The following AGMO variants were observed in gnomAD, a reference collection of about 807,000 sequenced individuals.
AGMO encodes the protein glyceryl-ether monooxygenase.
Under a neutral mutation model 60.2 loss-of-function variants are expected in AGMO, and 75 were observed. The ratio of observed to expected loss-of-function variants is 1.25; its 90% confidence interval spans 1.03 to 1.51. AGMO has a LOEUF of 1.51. AGMO is among the 40% of genes most tolerant of loss of function. The pLI, the probability that AGMO is intolerant of heterozygous loss-of-function variation, is 0.00. For missense variants in AGMO, 763 were observed against 525.5 expected (o/e 1.45, Z -4.42); for synonymous variants, 261 against 177.1 (o/e 1.47, Z -3.76).
chr7:15,273,269 T>C (rs956934292), intron 12 of AGMO, among the ~76,000 whole-genome samples: 1 of 152,130 alleles, frequency 6.6e-6, no homozygotes, highest in Non-Finnish European at 1.5e-5. Flanking sequence ...AGGTCTAACA[T>C]TTAAGTCTTC....
rs1443295190 is a variant in AGMO at position 15,252,210 on chromosome 7, A to G, written c.1264-50851T>C. ...TAAGAAGTTGGTAAGTATTATGGAG[A>G]AAAGGAACTAGAGAAGGATCAGAAG... is the stretch of plus-strand genomic sequence containing the variant. On this transcript the variant is annotated intron_variant, in intron 12 of 12. Transcript: ENST00000342526. 2.0e-5 allele frequency among the ~76,000 whole-genome samples: 3 copies of G among 152,312 alleles called. No individual in the cohort carries two copies. In the East Asian group the frequency reaches 5.8e-4, roughly 29 times the overall value.
At chr7:15,446,771 C>T (rs1375284570) in intron 3 of AGMO, among the ~76,000 whole-genome samples, 1 of 152,072 alleles carries the variant, frequency 6.6e-6, no homozygotes, top group Middle Eastern at 3.2e-3. Flanking sequence ...GATAATGCCT[C>T]GTTTGTTCTT....
At chr7:15,419,194 T>C (rs1005289560) in intron 4 of AGMO, among the ~76,000 whole-genome samples, 5 of 151,948 alleles carry the variant, frequency 3.3e-5, no homozygotes, top group African/African-American at 1.2e-4. Context: ...TCGAAGTTAT[T>C]AGGAAGGAGG....
chr7:15,261,979 T>G (rs937145525), intron 12 of AGMO, among the ~76,000 whole-genome samples: 2 of 151,878 alleles, frequency 1.3e-5, no homozygotes, highest in Non-Finnish European at 2.9e-5. Flanking sequence ...AAAACCAGCA[T>G]AGAAGGGACA....
At chr7:15,308,538 T>C (rs1780679453) in intron 12 of AGMO, among the ~76,000 whole-genome samples, 1 of 152,152 alleles carries the variant, frequency 6.6e-6, no homozygotes, top group South Asian at 2.1e-4. Context: ...TTGCTTGTCA[T>C]ATTTGCTTGT....
chr7:15,178,886 C>T, the AGMO span, among the ~76,000 whole-genome samples: 1 of 151,982 alleles, frequency 6.6e-6, no homozygotes, highest in Admixed American at 6.6e-5. Flanking sequence ...TGGCAAAGGT[C>T]ATCATACGGC....
intron 3 of AGMO, among the ~76,000 whole-genome samples, chr7:15,450,581 G>A (rs574213360): frequency 2.6e-5 from 4 of 152,004 alleles, no homozygotes; most frequent in African/African-American, 9.7e-5. Context: ...TATCTTTGTA[G>A]TTCAGAGAAA....
chr7:15,472,111 G>C (rs1257678824), intron 3 of AGMO, among the ~76,000 whole-genome samples: 1 of 151,846 alleles, frequency 6.6e-6, no homozygotes, highest in South Asian at 2.1e-4. Flanking sequence ...TCTCATGGTA[G>C]ACATTAAACT....
intron 12 of AGMO, among the ~76,000 whole-genome samples, chr7:15,332,314 T>C (rs1781523253): frequency 2.0e-5 from 3 of 152,138 alleles, no homozygotes; most frequent in African/African-American, 2.4e-5. Context: ...CTGGTTCTGG[T>C]ACAGCATAGA....
At chr7:15,134,062 G>A in the AGMO span, among the ~76,000 whole-genome samples, 137,448 of 152,206 alleles carry the variant, frequency 0.9, 62,142 homozygotes, top group East Asian at 1. Flanking sequence ...TCGGAGGTAC[G>A]TGTGCAGGTT....
At chr7:15,191,853 A>C in the AGMO span, among the ~76,000 whole-genome samples, 1 of 152,020 alleles carries the variant, frequency 6.6e-6, no homozygotes, top group South Asian at 2.1e-4. Context: ...AATAATGTAA[A>C]AGAATTTTCC....
intron 3 of AGMO, among the ~76,000 whole-genome samples, chr7:15,505,134 T>C (rs982557070): frequency 3.3e-5 from 5 of 152,008 alleles, no homozygotes; most frequent in African/African-American, 1.2e-4. Flanking sequence ...AGTCAAATCA[T>C]CTATTGCCAA....
At chr7:15,217,692 T>C (rs539872641) in intron 12 of AGMO, among the ~76,000 whole-genome samples, 210 of 151,948 alleles carry the variant, frequency 1.4e-3, no homozygotes, top group Non-Finnish European at 2.4e-3. Context: ...TAATGCAAGA[T>C]GAAAATAAAT....
At chr7:15,428,389 T>G (rs924670877) in intron 4 of AGMO, among the ~76,000 whole-genome samples, 2 of 152,192 alleles carry the variant, frequency 1.3e-5, no homozygotes, top group African/African-American at 4.8e-5. Context: ...TTGTCATGCA[T>G]TCTCAATGTT....
chr7:15,345,191 G>A (rs1781987615), intron 12 of AGMO, among the ~76,000 whole-genome samples: 2 of 152,098 alleles, frequency 1.3e-5, no homozygotes, highest in African/African-American at 4.8e-5. Context: ...AAAATCCCAA[G>A]CTCAAGTGCA....
intron 10 of AGMO, among the ~76,000 whole-genome samples, chr7:15,384,003 T>G (rs947920618): frequency 2.6e-5 from 4 of 152,112 alleles, no homozygotes; most frequent in Non-Finnish European, 5.9e-5. Context: ...TGGCGCGATC[T>G]CGGCTCACTG....
intron 3 of AGMO, among the ~76,000 whole-genome samples, chr7:15,521,222 A>G (rs1783975477): frequency 6.6e-6 from 1 of 152,186 alleles, no homozygotes; most frequent in Non-Finnish European, 1.5e-5. Flanking sequence ...CCAACCGCAA[A>G]AAGGCACAGG....
the AGMO span, among the ~76,000 whole-genome samples, chr7:15,190,241 A>C: frequency 7.3e-6 from 1 of 136,608 alleles, no homozygotes; most frequent in Non-Finnish European, 1.6e-5. Context: ...TTATATATAT[A>C]TATATATATG....
At position 15,294,181 on chromosome 7, in the gene AGMO, A is replaced by G. The variant is rs997394673; in HGVS notation, c.1263+71333T>C. Among the ~76,000 whole-genome samples, 4 of 152,246 alleles carry G rather than the reference A, an allele frequency of 2.6e-5. No individual in the cohort carries two copies. The East Asian group carries it at 7.7e-4, about 29-fold the overall frequency. On this transcript the variant is annotated intron_variant, in intron 12 of 12. Transcript: ENST00000342526. The stretch of plus-strand genomic sequence containing the variant: ...AGATTCATAGTAAAACAGAGTCGGC[A>G]TTTAATCATAGTGGAATAGATATAA...
Sources: gnomAD v4.1 joint callset for allele counts (sites outside exome capture counted in the v4.1 genomes callset) on GRCh38, gnomAD v4.1.1 for gene constraint, MANE v1.5 for transcripts, NCBI Gene and HGNC (gene_info 2026-07-23, HGNC 2026-07-21) for gene names.